The following CDH13 variants were observed in gnomAD, a reference collection of about 807,000 sequenced individuals.
CDH13 encodes cadherin 13.
In CDH13, 24 loss-of-function variants were observed where a neutral mutation model predicts 63.8. That is an observed-to-expected ratio of 0.38 (90% CI 0.27 to 0.53). CDH13 has a LOEUF of 0.53. Ranked by LOEUF, CDH13 falls within the 20% of genes least tolerant of loss-of-function variation. The pLI is 0.85. For missense variants in CDH13, 1,049 were observed against 903.1 expected (o/e 1.16, Z -2.07); for synonymous variants, 503 against 355.3 (o/e 1.42, Z -4.67).
intron 2 of CDH13, among the ~76,000 whole-genome samples, chr16:82,868,236 G>C (rs138716372): frequency 1.3e-5 from 2 of 152,214 alleles, no homozygotes; most frequent in African/African-American, 2.4e-5. Flanking sequence ...ACGATACATC[G>C]GGTCAGAATG....
chr16:83,706,359 C>T (rs546769497), intron 10 of CDH13, among the ~76,000 whole-genome samples: 2 of 152,272 alleles, frequency 1.3e-5, no homozygotes, highest in South Asian at 4.1e-4. Context: ...CCGTCATAAA[C>T]GCTAACCCAC....
rs2040078483 is a variant in CDH13 at position 83,234,058 on chromosome 16, C to G, written c.636+16561C>G. Among the ~76,000 whole-genome samples the G allele has an allele frequency of 2.6e-5, 4 of 152,218 alleles. No individual in the cohort carries two copies. The South Asian group carries it at 6.2e-4, about 24-fold the overall frequency. Reference sequence around the variant, plus strand: ...ACAGTGTCCAAGGGGTTCCCCTCTTCTGCTGGCTTCAAATAGGGTGACGGC... The same window carrying G: ...ACAGTGTCCAAGGGGTTCCCCTCTTGTGCTGGCTTCAAATAGGGTGACGGC... On this transcript the variant is annotated intron_variant, in intron 5 of 13. Transcript: ENST00000567109.
intron 1 of CDH13, among the ~76,000 whole-genome samples, chr16:82,722,818 C>T (rs975341861): frequency 1.3e-5 from 2 of 152,142 alleles, no homozygotes; most frequent in African/African-American, 4.8e-5. Context: ...TACATATAAG[C>T]CTTTTTCACG....
At chr16:82,756,507 GC>G (rs2034616420) in intron 1 of CDH13, among the ~76,000 whole-genome samples, 1 of 152,142 alleles carries the variant, frequency 6.6e-6, no homozygotes, top group African/African-American at 2.4e-5. Flanking sequence ...GCAGTTCCTT[GC>G]CCAAGTTTCT....
chr16:82,743,873 T>A (rs1317784816), intron 1 of CDH13, among the ~76,000 whole-genome samples: 2 of 152,226 alleles, frequency 1.3e-5, no homozygotes, highest in Non-Finnish European at 2.9e-5. Context: ...CAGGTGTATG[T>A]AATTAAATTT....
chr16:82,934,451 T>G (rs115671150), intron 2 of CDH13, among the ~76,000 whole-genome samples: 2,046 of 152,290 alleles, frequency 0.013, 37 homozygotes, highest in African/African-American at 0.038. Context: ...TCAGGGCCTG[T>G]GATGGCAGGG....
chr16:83,397,040 T>G (rs2091897472), intron 6 of CDH13, among the ~76,000 whole-genome samples: 1 of 152,264 alleles, frequency 6.6e-6, no homozygotes, highest in East Asian at 1.9e-4. Context: ...AGCCTGCAGC[T>G]GTGATCTATG....
At chr16:83,352,160 C>G (rs1002495936) in intron 6 of CDH13, among the ~76,000 whole-genome samples, 2 of 152,170 alleles carry the variant, frequency 1.3e-5, no homozygotes, top group Non-Finnish European at 2.9e-5. Context: ...TGGTACAATT[C>G]ACTGTAAATG....
intron 5 of CDH13, among the ~76,000 whole-genome samples, chr16:83,281,552 G>C (rs2089175880): frequency 6.6e-6 from 1 of 152,138 alleles, no homozygotes; most frequent in Non-Finnish European, 1.5e-5. Flanking sequence ...TCATAATTCA[G>C]CTGTTTGGTA....
At chr16:83,169,560 G>T (rs953520158) in intron 4 of CDH13, among the ~76,000 whole-genome samples, 2 of 148,920 alleles carry the variant, frequency 1.3e-5, no homozygotes, top group African/African-American at 4.9e-5. Context: ...CAGTGGTAAG[G>T]TTTTTTTTTT....
chr16:83,019,407 C>T lies in CDH13; in HGVS notation c.158-12603C>T, dbSNP rs146580697. ...TGAAAGGTCTTTAGGGGTTATAACA[C>T]GCATGGAGCCATCTCCTATGATATC... On this transcript the variant is annotated intron_variant, in intron 2 of 13. Transcript: ENST00000567109. Among the ~76,000 whole-genome samples, 26 of 152,144 alleles carry T rather than the reference C, an allele frequency of 1.7e-4. No homozygotes were observed. The East Asian group carries it at 3.1e-3, about 18-fold the overall frequency.
In CDH13 at chr16:83,462,949, A is replaced by T. The variant is rs550947947; in HGVS notation, c.782-23528A>T. Among the ~76,000 whole-genome samples the T allele has an allele frequency of 1.2e-4, 18 of 152,242 alleles. No homozygotes were observed. In the East Asian group the frequency reaches 3.1e-3, roughly 26 times the overall value. On this transcript the variant is annotated intron_variant, in intron 6 of 13. Transcript: ENST00000567109. The stretch of plus-strand genomic sequence containing the variant: ...CTTGTGGAAATACACCCTCCTCTCG[A>T]GGAAGCTATGGTCTTGTAGCTGAGA...
intron 5 of CDH13, among the ~76,000 whole-genome samples, chr16:83,267,472 C>G (rs972814150): frequency 2.6e-4 from 40 of 152,266 alleles, no homozygotes; most frequent in Middle Eastern, 3.4e-3. Flanking sequence ...AATGCCCTCT[C>G]CAAAACTCAC....
chr16:83,353,758 C>G (rs2091003079), intron 6 of CDH13, among the ~76,000 whole-genome samples: 1 of 152,190 alleles, frequency 6.6e-6, no homozygotes. Context: ...GCCCATCACC[C>G]ATGCTCATAT....
At chr16:82,725,272 T>G (rs2033030645) in intron 1 of CDH13, among the ~76,000 whole-genome samples, 1 of 152,210 alleles carries the variant, frequency 6.6e-6, no homozygotes, top group East Asian at 1.9e-4. Context: ...TTATTGTCTC[T>G]CAAGTTCTGA....
chr16:83,440,392 G>A (rs577964818), intron 6 of CDH13, among the ~76,000 whole-genome samples: 1 of 152,204 alleles, frequency 6.6e-6, no homozygotes, highest in South Asian at 2.1e-4. Context: ...GAGCCCAGAA[G>A]ACTCCTTCAG....
intron 2 of CDH13, among the ~76,000 whole-genome samples, chr16:83,006,180 T>C (rs1913472849): frequency 6.6e-6 from 1 of 152,122 alleles, no homozygotes; most frequent in Non-Finnish European, 1.5e-5. Flanking sequence ...CATTTTCAAG[T>C]CTCAATCACA....
intron 7 of CDH13, among the ~76,000 whole-genome samples, chr16:83,524,988 C>G (rs1368875662): frequency 6.6e-6 from 1 of 152,178 alleles, no homozygotes; most frequent in African/African-American, 2.4e-5. Context: ...GCTGTGTCAA[C>G]TTGGACAAAA....
chr16:82,942,007 T>C (rs1484498747), intron 2 of CDH13, among the ~76,000 whole-genome samples: 1 of 152,234 alleles, frequency 6.6e-6, no homozygotes, highest in African/African-American at 2.4e-5. Context: ...TTTCACTTTC[T>C]TAATGGTGTC....
Sources: gnomAD v4.1 joint callset for allele counts (sites outside exome capture counted in the v4.1 genomes callset) on GRCh38, gnomAD v4.1.1 for gene constraint, MANE v1.5 for transcripts, NCBI Gene and HGNC (gene_info 2026-07-23, HGNC 2026-07-21) for gene names.